Variants in TNFRSF11B observed in about 807,000 individuals in gnomAD.
TNFRSF11B encodes tumor necrosis factor receptor superfamily member 11B.
In TNFRSF11B, 16 loss-of-function variants were observed where a neutral mutation model predicts 43.4. That is an observed-to-expected ratio of 0.37 (90% confidence interval 0.25 to 0.56). The LOEUF is 0.56. Among genes scored for constraint, TNFRSF11B ranks in the 20% least tolerant of loss-of-function variants. The probability of loss-of-function intolerance (pLI) is 0.80; values close to 1 mark genes in which losing one functional copy is unlikely to be tolerated. For missense variants in TNFRSF11B, 444 were observed against 490.1 expected (o/e 0.91, Z 0.89); for synonymous variants, 185 against 181.8 (o/e 1.02, Z -0.14).
At chr8:118,947,100 T>A (rs1812575152) in intron 1 of TNFRSF11B, among the ~76,000 whole-genome samples, 2 of 152,206 alleles carry the variant, frequency 1.3e-5, no homozygotes, top group Non-Finnish European at 2.9e-5. Flanking sequence ...AAGGTATTGA[T>A]ATGAACCTTT....
At chr8:118,932,850 G>A in intron 2 of TNFRSF11B, 81 bp downstream of exon 2, 2 of 1,584,674 alleles carry the variant, frequency 1.3e-6, no homozygotes, top group African/African-American at 1.3e-5. Flanking sequence ...AATGTCATCA[G>A]AACAAAAGTG....
chr8:118,938,595 A>G (rs896861297), intron 1 of TNFRSF11B, among the ~76,000 whole-genome samples: 1 of 152,184 alleles, frequency 6.6e-6, no homozygotes, highest in Admixed American at 6.5e-5. Context: ...AGTAAGCCCT[A>G]AAGTGCTTAA....
At position 118,928,837 on chromosome 8, in the gene TNFRSF11B, TTG is replaced by T. The variant is rs1256011410; in HGVS notation, c.491_492del (p.Thr164LysfsTer26). Reference sequence around the variant, plus strand: ...AGCAGGAGACCAAAGACACTGCAATTTGTGTGTTTTCTACAGGGTGCTTTAGA... The same window carrying T: ...AGCAGGAGACCAAAGACACTGCAATTTGTGTTTTCTACAGGGTGCTTTAGA... ...TSSKAPCRKH[T>X]NCSVFGLLLT... On this transcript the variant is annotated frameshift_variant, in exon 3 of 5. Coordinates refer to ENST00000297350, the MANE Select transcript of TNFRSF11B (RefSeq NM_002546.4). LOFTEE classifies it high-confidence loss of function. 1.2e-6 allele frequency: 2 copies of T among 1,614,194 alleles called. No homozygotes were observed. Among genetic ancestry groups the T allele is most frequent in the Admixed American group, 1.7e-5 (1 of 60,022 alleles).
At chr8:118,925,175 C>G (rs11573938) in intron 4 of TNFRSF11B, among the ~76,000 whole-genome samples, 1 of 152,082 alleles carries the variant, frequency 6.6e-6, no homozygotes, top group Non-Finnish European at 1.5e-5. Flanking sequence ...AGTTAATTGC[C>G]GTAACTAGCC....
chr8:118,923,962 T>G lies in TNFRSF11B; in HGVS notation c.*412A>C, dbSNP rs1379870216. 5.8e-6 allele frequency: 1 copy of G among 171,522 alleles called. No homozygotes were observed. Among genetic ancestry groups the G allele is most frequent in the African/African-American group, 2.4e-5 (1 of 41,756 alleles). The allele number at this position is 171,522 out of a possible 1,614,324, so 10.6% of individuals were successfully genotyped here. A position where few individuals can be genotyped will look rare whatever the true frequency, so the allele number is the denominator to read the frequency against. Reference sequence around the variant, plus strand: ...AATATAAATAGCAATACTGTAATAGTGTTACAGATATATTAGTAACTTTTA... The same window carrying G: ...AATATAAATAGCAATACTGTAATAGGGTTACAGATATATTAGTAACTTTTA... On this transcript the variant is annotated 3_prime_UTR_variant, in exon 5 of 5. Coordinates refer to ENST00000297350, the MANE Select transcript of TNFRSF11B (RefSeq NM_002546.4).
intron 1 of TNFRSF11B, among the ~76,000 whole-genome samples, chr8:118,942,015 C>G (rs11573861): frequency 5.3e-5 from 8 of 152,262 alleles, no homozygotes; most frequent in Admixed American, 4.6e-4. Context: ...GCTACAATCC[C>G]TGGCATTCTG....
In TNFRSF11B at chr8:118,932,920, T is replaced by C. The variant is rs1254056221; in HGVS notation, c.400+11A>G. On this transcript the variant is annotated intron_variant, in intron 2 of 4. Coordinates refer to ENST00000297350, the MANE Select transcript of TNFRSF11B (RefSeq NM_002546.4). ...TGATCCTAATTAATTTTGCTGCACA[T>C]TGACACGTACCAGCTTGCACCACTC... 6.2e-7 allele frequency: 1 copy of C among 1,614,112 alleles called. No individual in the cohort carries two copies. The highest frequency in any genetic ancestry group is 8.5e-7 in the Non-Finnish European group (1 of 1,180,026).
At position 118,928,786 on chromosome 8, in the gene TNFRSF11B, C is replaced by T. The variant is rs753578962; in HGVS notation, c.544G>A (p.Asp182Asn). The T allele has an allele frequency of 6.2e-6, 10 of 1,613,980 alleles. No homozygotes were observed. The highest frequency in any genetic ancestry group is 5.0e-5 in the Admixed American group (3 of 59,994). Residue 182 changes from aspartate to asparagine, a missense_variant, in exon 3 of 5, where the codon GAC becomes AAC. Physicochemically the swap from Asp to Asn is conservative, Grantham distance 23. Transcript: ENST00000297350. ...TCACTGTTTCCGGAACATATGTTGTCGTGTGTTGCATTTCCTTTCTGAGTT... is the reference window on the plus strand; with the variant it reads ...TCACTGTTTCCGGAACATATGTTGTTGTGTGTTGCATTTCCTTTCTGAGTT... ...LLTQKGNATH[D>N]NICSGNSEST... is the part of the protein sequence containing the mutation.
At chr8:118,929,479 G>C (rs1047302119) in intron 2 of TNFRSF11B, among the ~76,000 whole-genome samples, 10 of 152,192 alleles carry the variant, frequency 6.6e-5, no homozygotes, top group Non-Finnish European at 1.3e-4. Flanking sequence ...AACTTTTGAA[G>C]GTGGCAATAA....
intron 1 of TNFRSF11B, among the ~76,000 whole-genome samples, chr8:118,948,929 C>T (rs1812603909): frequency 6.6e-6 from 1 of 152,120 alleles, no homozygotes; most frequent in Admixed American, 6.5e-5. Context: ...AAATCTACCC[C>T]TCCCTGCCCA....
chr8:118,940,751 G>A (rs1000293562), intron 1 of TNFRSF11B, among the ~76,000 whole-genome samples: 6 of 152,004 alleles, frequency 3.9e-5, no homozygotes, highest in Non-Finnish European at 5.9e-5. Context: ...CTCTGTTCTT[G>A]TCTCCAGAAA....
At chr8:118,940,347 A>C (rs1812468091) in intron 1 of TNFRSF11B, among the ~76,000 whole-genome samples, 1 of 152,224 alleles carries the variant, frequency 6.6e-6, no homozygotes, top group African/African-American at 2.4e-5. Flanking sequence ...AAAGGGTGTT[A>C]AATGGGTAAG....
Position 118,924,462 on chromosome 8 carries a change from T to C in TNFRSF11B, c.1118A>G (p.His373Arg). ...ATACAATTTGTACATTGTGAAGCTGTGAAGGAACCTGATGGTCTTCTTTAG... is the reference window on the plus strand; with the variant it reads ...ATACAATTTGTACATTGTGAAGCTGCGAAGGAACCTGATGGTCTTCTTTAG... ...QSLKKTIRFL[H>R]SFTMYKLYQK... The change falls in exon 5 of 5, where the codon CAC (histidine) becomes CGC (arginine). Residue 373 changes from histidine to arginine, a missense_variant. By Grantham distance (29) the His-to-Arg change is conservative (BLOSUM62 0). Transcript: ENST00000297350. 1 of 1,614,138 alleles carries C rather than the reference T, an allele frequency of 6.2e-7. No individual in the cohort carries two copies. Among genetic ancestry groups the C allele is most frequent in the Non-Finnish European group, 8.5e-7 (1 of 1,179,964 alleles).
chr8:118,940,344 G>GT (rs1243646079), intron 1 of TNFRSF11B, among the ~76,000 whole-genome samples: 7 of 152,246 alleles, frequency 4.6e-5, no homozygotes, highest in Non-Finnish European at 1.0e-4. Context: ...AGAAAAGGGT[G>GT]TTAAATGGGT....
At chr8:118,926,142 T>G (rs1001091695) in intron 4 of TNFRSF11B, among the ~76,000 whole-genome samples, 4 of 152,140 alleles carry the variant, frequency 2.6e-5, no homozygotes, top group African/African-American at 7.2e-5. Flanking sequence ...AGATACAAAG[T>G]GGTTATAGAG....
intron 1 of TNFRSF11B, among the ~76,000 whole-genome samples, chr8:118,950,291 A>T (rs2129931277): frequency 6.6e-6 from 1 of 152,356 alleles, no homozygotes; most frequent in East Asian, 1.9e-4. Flanking sequence ...TGATTAAATC[A>T]ATTGTGGTGT....
chr8:118,936,298 G>A (rs1053176410), intron 1 of TNFRSF11B, among the ~76,000 whole-genome samples: 6 of 152,162 alleles, frequency 3.9e-5, no homozygotes, highest in African/African-American at 1.4e-4. Flanking sequence ...AACTGAGAAA[G>A]CCTTGAGAAA....
intron 1 of TNFRSF11B, among the ~76,000 whole-genome samples, chr8:118,938,535 C>T (rs1303640616): frequency 2.0e-5 from 3 of 152,156 alleles, no homozygotes; most frequent in Admixed American, 6.5e-5. Context: ...AATCCTTTAA[C>T]ATTTACCAAA....
intron 1 of TNFRSF11B, among the ~76,000 whole-genome samples, 182 bp downstream of exon 1, chr8:118,951,610 G>T (rs1812646942): frequency 6.6e-6 from 1 of 152,112 alleles, no homozygotes; most frequent in Admixed American, 6.5e-5. Context: ...CAGCGTAAAA[G>T]GACACCCTAG....
Sources: allele counts gnomAD v4.1 joint callset (sites outside exome capture counted in the v4.1 genomes callset), GRCh38; gene constraint gnomAD v4.1.1; transcripts MANE v1.5; gene names NCBI Gene and HGNC (gene_info 2026-07-23, HGNC 2026-07-21).